CFAP70: variants seen among roughly 807,000 people sequenced by gnomAD.
CFAP70 encodes cilia- and flagella-associated protein 70.
In CFAP70, 81 loss-of-function variants were observed where a neutral mutation model predicts 137.6. The ratio of observed to expected loss-of-function variants is 0.59; its 90% confidence interval spans 0.49 to 0.71. The LOEUF (loss-of-function observed/expected upper bound fraction) is 0.71. Among genes scored for constraint, CFAP70 ranks in the 30% least tolerant of loss-of-function variants. The probability of loss-of-function intolerance (pLI) is 0.00; values close to 1 mark genes in which losing one functional copy is unlikely to be tolerated. For synonymous variants in CFAP70, 382 were observed against 423.6 expected, an observed-to-expected ratio of 0.90 and a Z score of 1.20; for missense variants, 976 against 1,226.7, an observed-to-expected ratio of 0.80 and a Z score of 3.05.
At chr10:73,304,634 T>C (rs1389476895) in intron 12 of CFAP70, among the ~76,000 whole-genome samples, 1 of 152,164 alleles carries the variant, frequency 6.6e-6, no homozygotes, top group African/African-American at 2.4e-5. Context: ...GTCTCATATA[T>C]CATTTATAGA....
At chr10:73,267,554 C>G (rs945252739) in intron 25 of CFAP70, among the ~76,000 whole-genome samples, 3 of 152,172 alleles carry the variant, frequency 2.0e-5, no homozygotes, top group Non-Finnish European at 4.4e-5. Flanking sequence ...TGAGTGGCAA[C>G]ATAACATTGC....
chr10:73,287,556 T>C (rs1422389256), intron 19 of CFAP70, among the ~76,000 whole-genome samples: 1 of 152,218 alleles, frequency 6.6e-6, no homozygotes, highest in Non-Finnish European at 1.5e-5. Flanking sequence ...AGAATAAACT[T>C]ATTTTATGCA....
chr10:73,327,289 C>G lies in CFAP70; in HGVS notation c.777+3888G>C, dbSNP rs1291238696. On this transcript the variant is annotated intron_variant, in intron 8 of 26. Transcript: ENST00000310715. ...AAGGCCTTTGACAAAATTCAACAAC[C>G]CTTCATGCTAAAAACTCTCAATAAA... Among the ~76,000 whole-genome samples, 80 of 150,264 alleles carry G rather than the reference C, an allele frequency of 5.3e-4. 1 individual carries two copies. The highest frequency in any genetic ancestry group is 4.3e-4 in the South Asian group (2 of 4,648).
intron 12 of CFAP70, among the ~76,000 whole-genome samples, chr10:73,304,087 GC>G (rs2049177231): frequency 6.7e-6 from 1 of 148,344 alleles, no homozygotes. Flanking sequence ...AGAGTTTTTT[GC>G]TCTTGTCATC....
At chr10:73,359,629 C>T (rs932550288), upstream of CFAP70, among the ~76,000 whole-genome samples, 6 of 152,038 alleles carry the variant, frequency 3.9e-5, no homozygotes, top group African/African-American at 1.2e-4. Flanking sequence ...AGAAGTGTAG[C>T]GAGAAGGATG....
At chr10:73,342,356 G>C (rs898376087) in intron 5 of CFAP70, among the ~76,000 whole-genome samples, 1 of 151,690 alleles carries the variant, frequency 6.6e-6, no homozygotes, top group Non-Finnish European at 1.5e-5. Flanking sequence ...GGGCAACATA[G>C]TGAGACCCCC....
intron 8 of CFAP70, among the ~76,000 whole-genome samples, chr10:73,324,771 AG>A (rs1436200797): frequency 6.6e-6 from 1 of 152,176 alleles, no homozygotes; most frequent in Admixed American, 6.5e-5. Context: ...TGAAGTGAGA[AG>A]GGAAGTTTAG....
intron 8 of CFAP70, among the ~76,000 whole-genome samples, chr10:73,324,434 C>T (rs1297797776): frequency 6.6e-6 from 1 of 152,346 alleles, no homozygotes; most frequent in East Asian, 1.9e-4. Flanking sequence ...AGTGCCTCTC[C>T]TACTCCAAAG....
intron 19 of CFAP70, among the ~76,000 whole-genome samples, chr10:73,279,587 G>C (rs1418102078): frequency 6.6e-6 from 1 of 151,380 alleles, no homozygotes; most frequent in Non-Finnish European, 1.5e-5. Flanking sequence ...AGTTGGGCGA[G>C]GTGACTCACG....
At chr10:73,323,000 T>G in exon 9 of CFAP70, 1 of 1,613,732 alleles carries the variant, frequency 6.2e-7, no homozygotes, top group Non-Finnish European at 8.5e-7. Context: ...AGGGTAAACA[T>G]GAAAAGCTCC....
intron 19 of CFAP70, among the ~76,000 whole-genome samples, chr10:73,286,454 A>G (rs1163964923): frequency 6.6e-6 from 1 of 152,146 alleles, no homozygotes; most frequent in African/African-American, 2.4e-5. Flanking sequence ...AAAAACAAAC[A>G]AACAAACAAA....
intron 12 of CFAP70, among the ~76,000 whole-genome samples, chr10:73,307,108 T>C (rs191847246): frequency 6.6e-6 from 1 of 151,868 alleles, no homozygotes; most frequent in East Asian, 1.9e-4. Flanking sequence ...AGGAGCAGAG[T>C]GTATAGTACT....
Position 73,277,472 on chromosome 10 carries a change from T to TG in CFAP70, c.2399-112dup, listed in dbSNP as rs554947820. The TG allele has an allele frequency of 6.9e-5, 83 of 1,205,124 alleles. No homozygotes were observed. In the African/African-American group the frequency reaches 1.2e-3, roughly 18 times the overall value. 74.7% of individuals were successfully genotyped at this position (1,205,124 alleles called of 1,614,324 possible). ...GCTCACGCCTGTAATCCCAGCACTT[T>TG]GGGAGGCCGAGGCAGGCAGATCACG... On this transcript the variant is annotated intron_variant, in intron 20 of 26. Coordinates refer to ENST00000310715, the Ensembl canonical transcript of CFAP70.
rs748363705 is a variant in CFAP70, at chr10:73,256,410, G to A, written c.3034C>T (p.Arg1012Trp). The change falls in exon 26 of 27, where the codon CGG becomes TGG. Residue 1012 changes from arginine to tryptophan, a missense_variant. Coordinates refer to ENST00000310715, the Ensembl canonical transcript of CFAP70. ...TAGGCCTGCTCAGCTTCTAATTGCCGTCCAACCTGAAAAAAGTGCAGCAGT... is the reference window on the plus strand; with the variant it reads ...TAGGCCTGCTCAGCTTCTAATTGCCATCCAACCTGAAAAAAGTGCAGCAGT... The A allele has an allele frequency of 3.2e-5, 52 of 1,613,794 alleles. No individual in the cohort carries two copies. Among genetic ancestry groups the A allele is most frequent in the Non-Finnish European group, 3.7e-5 (44 of 1,179,952 alleles).
At chr10:73,299,223 T>C (rs1239182988) in intron 13 of CFAP70, 122 bp from the exon 15 acceptor site, 2 of 773,412 alleles carry the variant, frequency 2.6e-6, no homozygotes, top group Non-Finnish European at 4.1e-6. Flanking sequence ...TTTGTTTGTT[T>C]GTTTTAGAGA....
At chr10:73,284,790 AT>A (rs1279452267) in intron 19 of CFAP70, among the ~76,000 whole-genome samples, 4 of 70,874 alleles carry the variant, frequency 5.6e-5, no homozygotes, top group African/African-American at 2.3e-4. Flanking sequence ...ATATATATAT[AT>A]ATATATATAT....
exon 20 of CFAP70, chr10:73,278,182 T>C (rs755996660): frequency 5.0e-6 from 8 of 1,613,322 alleles, no homozygotes; most frequent in Non-Finnish European, 6.8e-6. Context: ...TAGTTACCTT[T>C]CTTTGTTGGT....
intron 25 of CFAP70, among the ~76,000 whole-genome samples, chr10:73,257,954 T>C (rs2044695207): frequency 6.8e-6 from 1 of 147,394 alleles, no homozygotes; most frequent in Admixed American, 6.8e-5. Context: ...CTCAGCACTC[T>C]CACAGTCTCA....
At chr10:73,301,321 T>C (rs1018305760) in intron 12 of CFAP70, among the ~76,000 whole-genome samples, 3 of 152,322 alleles carry the variant, frequency 2.0e-5, no homozygotes, top group Non-Finnish European at 4.4e-5. Context: ...GTCTTCATGA[T>C]AGTGAGTAAG....
Sources: allele counts gnomAD v4.1 joint callset (sites outside exome capture counted in the v4.1 genomes callset), GRCh38; gene constraint gnomAD v4.1.1; transcripts MANE v1.5; gene names NCBI Gene and HGNC (gene_info 2026-07-23, HGNC 2026-07-21).